PHYKPL: variants seen among roughly 807,000 people sequenced by gnomAD.
The protein encoded by PHYKPL is 5-phosphohydroxy-L-lysine phospho-lyase, also known as 5-phosphonooxy-L-lysine phospho-lyase.
Under a neutral mutation model 51.3 loss-of-function variants are expected in PHYKPL, and 42 were observed. The observed-to-expected ratio is 0.82, with a 90% CI of 0.64 to 1.06. The LOEUF (loss-of-function observed/expected upper bound fraction) is 1.06, where lower values mean the gene tolerates loss of function less well. Among genes scored for constraint, PHYKPL ranks in the 50% least tolerant of loss-of-function variants. PHYKPL has a pLI of 0.00. For missense variants in PHYKPL, 655 were observed against 586.6 expected (o/e 1.12, Z -1.20); for synonymous variants, 264 against 236.0 (o/e 1.12, Z -1.09).
At chr5:178,214,927 G>A (rs1759445188) in intron 9 of PHYKPL, 42 bp from the exon 10 acceptor site, 1 of 1,594,646 alleles carries the variant, frequency 6.3e-7, no homozygotes, top group African/African-American at 1.3e-5. Flanking sequence ...CCAGGCCTGA[G>A]GGGCCAGGGT....
At chr5:178,223,765 AAC>A (rs1761693119) in intron 6 of PHYKPL, 1 of 318,712 alleles carries the variant, frequency 3.1e-6, no homozygotes. Context: ...ACCTGTCGCC[AAC>A]AGTCTTCCCT....
At chr5:178,209,538 G>C in intron 12 of PHYKPL, 5 of 1,055,288 alleles carry the variant, frequency 4.7e-6, no homozygotes, top group South Asian at 1.4e-5. Flanking sequence ...GTGCTGTGCA[G>C]CAGGGGTGGG....
chr5:178,230,193 G>T, intron 2 of PHYKPL, 94 bp from the exon 3 acceptor site: 2 of 1,499,820 alleles, frequency 1.3e-6, no homozygotes, highest in Non-Finnish European at 1.8e-6. Flanking sequence ...AGCCAGAAGA[G>T]ATGTAGTTCT....
intron 12 of PHYKPL, chr5:178,210,320 G>C: frequency 6.2e-7 from 1 of 1,612,890 alleles, no homozygotes; most frequent in Non-Finnish European, 8.5e-7. Flanking sequence ...TCGTCCCCAG[G>C]GGAGGCAGGA....
chr5:178,224,595 G>A (rs1761912402), intron 5 of PHYKPL, 31 bp from the exon 6 acceptor site: 1 of 1,613,996 alleles, frequency 6.2e-7, no homozygotes, highest in African/African-American at 1.3e-5. Flanking sequence ...ATGTTATCCG[G>A]GCTTGGGGAC....
intron 9 of PHYKPL, 85 bp from the exon 10 acceptor site, chr5:178,214,970 C>G: frequency 7.8e-7 from 1 of 1,278,168 alleles, no homozygotes; most frequent in Non-Finnish European, 1.1e-6. Flanking sequence ...CTACCTGTGC[C>G]TCCTGAGGGG....
chr5:178,207,817 C>T (rs1757151864), downstream of PHYKPL, among the ~76,000 whole-genome samples: 2 of 150,782 alleles, frequency 1.3e-5, no homozygotes, highest in African/African-American at 4.9e-5. Flanking sequence ...ATCCTCCCAT[C>T]TCAGCCTCTC....
At chr5:178,217,245 GAC>G (rs1339355436) in intron 8 of PHYKPL, among the ~76,000 whole-genome samples, 177 of 142,602 alleles carry the variant, frequency 1.2e-3, no homozygotes, top group African/African-American at 4.5e-3. Context: ...TTTTTTTTGA[GAC>G]AGTCTCGCTG....
chr5:178,223,497 A>G (rs1327165947), intron 6 of PHYKPL: 1 of 456,168 alleles, frequency 2.2e-6, no homozygotes, highest in Non-Finnish European at 4.4e-6. Context: ...TATGGCAATG[A>G]TTTCCCAACC....
intron 8 of PHYKPL, chr5:178,216,740 G>A (rs1243559382): frequency 6.6e-6 from 1 of 152,250 alleles, no homozygotes; most frequent in Admixed American, 6.5e-5. Flanking sequence ...TAAATCAGAT[G>A]TTACAAACAT....
chr5:178,218,503 AAG>A (rs1398450428), intron 8 of PHYKPL, among the ~76,000 whole-genome samples: 1 of 152,146 alleles, frequency 6.6e-6, no homozygotes, highest in Admixed American at 6.5e-5. Flanking sequence ...GGTTTTCTAA[AAG>A]AGATCCCAGG....
intron 8 of PHYKPL, 42 bp downstream of exon 8, chr5:178,222,313 T>A: frequency 6.4e-7 from 1 of 1,554,736 alleles, no homozygotes; most frequent in African/African-American, 1.4e-5. Flanking sequence ...CGGGGGCCTA[T>A]CAGAACCCAT....
intron 4 of PHYKPL, 65 bp from the exon 5 acceptor site, chr5:178,224,794 C>T: frequency 7.7e-7 from 1 of 1,292,054 alleles, no homozygotes; most frequent in Non-Finnish European, 1.1e-6. Context: ...CCAGTCTGAC[C>T]ATCGTCTCCC....
intron 6 of PHYKPL, chr5:178,223,520 AC>A: frequency 2.2e-6 from 1 of 456,032 alleles, no homozygotes; most frequent in Non-Finnish European, 4.4e-6. Context: ...ATTCTGCCTT[AC>A]AGGTGGGAGG....
At chr5:178,215,666 T>C in intron 8 of PHYKPL, 1 of 531,506 alleles carries the variant, frequency 1.9e-6, no homozygotes, top group Non-Finnish European at 3.3e-6. Flanking sequence ...TGAAGTACAG[T>C]AGGAGCCCCT....
In PHYKPL at chr5:178,213,085, A is replaced by C. The variant is rs1404421070; in HGVS notation, c.1191T>G (p.Val397=). 1.2e-6 allele frequency: 2 copies of C among 1,614,176 alleles called. No individual in the cohort carries two copies. Among genetic ancestry groups the C allele is most frequent in the Non-Finnish European group, 1.7e-6 (2 of 1,180,004 alleles). The change falls in exon 11 of 13, where the codon GTT becomes GTG. Residue 397 remains valine (V), a synonymous_variant. Transcript: ENST00000308158. The part of the protein sequence containing the change: ...YLVSRLKENY[V]LLSTDGPGRN... ...TCCCAGGGCCATCAGTGCTCAGCAA[A>C]ACGTAGTTCTCCTTCAGCCTGTGAG...
At chr5:178,208,388 T>TA (rs1242069229), downstream of PHYKPL, 1 of 152,202 alleles carries the variant, frequency 6.6e-6, no homozygotes, top group Non-Finnish European at 1.5e-5. Flanking sequence ...TGGACAGTGA[T>TA]AGAGGCCTTT....
chr5:178,209,553 T>C (rs1383640317), intron 12 of PHYKPL: 6 of 941,512 alleles, frequency 6.4e-6, no homozygotes, highest in African/African-American at 1.6e-5. Context: ...GGTGGGCAGA[T>C]TGTGTGAGGT....
At position 178,231,440 on chromosome 5, in the gene PHYKPL, G is replaced by A; in HGVS notation, c.143C>T (p.Ala48Val). The part of the protein sequence containing the change: ...QGQYMYDEQG[A>V]EYIDCISNVA... ...ATTGCTGATGCAATCGATGTATTCT[G>A]CCCCCTGTTCATCGTACATGTACTG... The change falls in exon 2 of 13, where the codon GCA becomes GTA. Residue 48 changes from alanine to valine, a missense_variant. Transcript: ENST00000308158. The A allele has an allele frequency of 1.2e-6, 2 of 1,614,178 alleles. No homozygotes were observed. Among genetic ancestry groups the A allele is most frequent in the Non-Finnish European group, 1.7e-6 (2 of 1,180,022 alleles).
Sources: gnomAD v4.1 joint callset for allele counts (sites outside exome capture counted in the v4.1 genomes callset) on GRCh38, gnomAD v4.1.1 for gene constraint, MANE v1.5 for transcripts, NCBI Gene and HGNC (gene_info 2026-07-23, HGNC 2026-07-21) for gene names.